Variants in HMBOX1 observed in about 807,000 individuals in gnomAD.
HMBOX1 encodes homeobox-containing protein 1.
HMBOX1 carries 14 observed loss-of-function variants against 54.5 expected under a neutral mutation model. The ratio of observed to expected loss-of-function variants is 0.26; its 90% confidence interval spans 0.17 to 0.40. HMBOX1 has a LOEUF of 0.40. Ranked by LOEUF, HMBOX1 falls within the 10% of genes least tolerant of loss-of-function variation. The pLI is 1.00. For missense variants in HMBOX1, 332 were observed against 514.4 expected (o/e 0.65, Z 3.43); for synonymous variants, 160 against 181.0 (o/e 0.88, Z 0.93).
At chr8:28,898,237 T>C (rs5009786) in intron 1 of HMBOX1, among the ~76,000 whole-genome samples, 138,725 of 151,996 alleles carry the variant, frequency 0.91, 63,491 homozygotes, top group African/African-American at 0.98. Flanking sequence ...TGATAATTTC[T>C]ATTAAAAAAA....
chr8:28,938,371 T>G (rs1820749708), intron 1 of HMBOX1, among the ~76,000 whole-genome samples: 1 of 152,198 alleles, frequency 6.6e-6, no homozygotes, highest in African/African-American at 2.4e-5. Context: ...TAAGTGCCAC[T>G]TAGGAAGGGC....
At chr8:28,964,462 A>AT (rs1826113855) in intron 2 of HMBOX1, among the ~76,000 whole-genome samples, 1 of 152,230 alleles carries the variant, frequency 6.6e-6, no homozygotes, top group Non-Finnish European at 1.5e-5. Flanking sequence ...TATGAACTAT[A>AT]ACCACCAGTT....
chr8:28,913,730 G>T (rs909456995), intron 1 of HMBOX1, among the ~76,000 whole-genome samples: 19 of 152,076 alleles, frequency 1.2e-4, no homozygotes, highest in African/African-American at 4.3e-4. Context: ...AGTGAATAGA[G>T]ATCCTTTGAT....
chr8:28,951,959 A>C (rs773715466), intron 1 of HMBOX1, among the ~76,000 whole-genome samples: 6 of 152,046 alleles, frequency 3.9e-5, no homozygotes, highest in Non-Finnish European at 8.8e-5. Flanking sequence ...CTTAAGCCCG[A>C]TCAGGAGTTT....
intron 1 of HMBOX1, among the ~76,000 whole-genome samples, chr8:28,892,136 A>G (rs1463158904): frequency 6.6e-6 from 1 of 152,216 alleles, no homozygotes; most frequent in Non-Finnish European, 1.5e-5. Flanking sequence ...GTTTTACCAT[A>G]AAATGCATCG....
chr8:28,963,931 T>C, intron 2 of HMBOX1, 41 bp downstream of exon 2: 1 of 1,494,352 alleles, frequency 6.7e-7, no homozygotes, highest in South Asian at 1.2e-5. Context: ...TTCACAATCA[T>C]TTTAGTAAAG....
chr8:28,979,434 A>G (rs1828986847), intron 3 of HMBOX1, among the ~76,000 whole-genome samples: 1 of 152,356 alleles, frequency 6.6e-6, no homozygotes, highest in South Asian at 2.1e-4. Flanking sequence ...GTATTCTTAT[A>G]TATAATACAA....
intron 1 of HMBOX1, among the ~76,000 whole-genome samples, chr8:28,950,396 G>T (rs1376483828): frequency 6.6e-6 from 1 of 152,186 alleles, no homozygotes; most frequent in Non-Finnish European, 1.5e-5. Context: ...TCTACCTGCT[G>T]TAATACATTT....
chr8:28,980,180 T>G, intron 4 of HMBOX1, 24 bp downstream of exon 4: 1 of 1,535,948 alleles, frequency 6.5e-7, no homozygotes, highest in Non-Finnish European at 9.0e-7. Context: ...AGCCCTTTAT[T>G]CTGGAATCAT....
chr8:29,037,777 G>C (rs990460465), intron 6 of HMBOX1, among the ~76,000 whole-genome samples: 1 of 152,086 alleles, frequency 6.6e-6, no homozygotes, highest in Non-Finnish European at 1.5e-5. Flanking sequence ...TTACCACATA[G>C]ATACTCTCAA....
In HMBOX1 at chr8:29,036,156, G is replaced by T. The variant is rs146206008; in HGVS notation, c.852-9205G>T. On this transcript the variant is annotated intron_variant, in intron 6 of 9. Transcript: ENST00000287701. ...ATCAATTGGCAAGTGGGGTCTAGTG[G>T]CAATTAGCATGCTGCAAGTAAATGA... 3.2e-3 allele frequency among the ~76,000 whole-genome samples: 492 copies of T among 152,282 alleles called. 7 individuals are homozygous for T. The highest frequency in any genetic ancestry group is 0.011 in the African/African-American group (459 of 41,566).
At chr8:28,941,865 T>C (rs1336976481) in intron 1 of HMBOX1, among the ~76,000 whole-genome samples, 7 of 152,214 alleles carry the variant, frequency 4.6e-5, no homozygotes, top group Non-Finnish European at 1.5e-5. Flanking sequence ...GAGAATAACT[T>C]TTAGTTTCCT....
At chr8:28,909,333 A>G (rs1215927023) in intron 1 of HMBOX1, among the ~76,000 whole-genome samples, 4 of 152,210 alleles carry the variant, frequency 2.6e-5, no homozygotes, top group East Asian at 1.9e-4. Flanking sequence ...AAAATACAAT[A>G]AAAATGGGTA....
intron 6 of HMBOX1, among the ~76,000 whole-genome samples, chr8:29,030,985 G>A (rs1427637277): frequency 6.6e-6 from 1 of 152,206 alleles, no homozygotes; most frequent in African/African-American, 2.4e-5. Flanking sequence ...AGTCTAGGTA[G>A]TTAGAATTGC....
At chr8:28,972,281 C>T (rs949616666) in intron 3 of HMBOX1, among the ~76,000 whole-genome samples, 31 of 152,090 alleles carry the variant, frequency 2.0e-4, no homozygotes, top group African/African-American at 5.6e-4. Flanking sequence ...GGTGCGATCT[C>T]GGCTCACTGC....
At chr8:28,926,963 G>C (rs1818626945) in intron 1 of HMBOX1, among the ~76,000 whole-genome samples, 1 of 152,082 alleles carries the variant, frequency 6.6e-6, no homozygotes, top group African/African-American at 2.4e-5. Context: ...TAAAATTGTT[G>C]GATGATTACC....
intron 1 of HMBOX1, among the ~76,000 whole-genome samples, chr8:28,908,204 T>C (rs1213190570): frequency 6.6e-6 from 1 of 152,200 alleles, no homozygotes; most frequent in Non-Finnish European, 1.5e-5. Flanking sequence ...CAAATGGACA[T>C]AGGAACATAT....
intron 1 of HMBOX1, among the ~76,000 whole-genome samples, chr8:28,897,128 G>A (rs966964353): frequency 2.0e-5 from 3 of 151,878 alleles, no homozygotes; most frequent in Non-Finnish European, 4.4e-5. Context: ...TGGGATTATG[G>A]GCATGCGCCA....
intron 1 of HMBOX1, among the ~76,000 whole-genome samples, chr8:28,932,441 T>C (rs913929060): frequency 6.6e-6 from 1 of 152,226 alleles, no homozygotes; most frequent in African/African-American, 2.4e-5. Context: ...ATAGACAGTG[T>C]AAAGCTAGTG....
Sources: gnomAD v4.1 joint callset for allele counts (sites outside exome capture counted in the v4.1 genomes callset) on GRCh38, gnomAD v4.1.1 for gene constraint, MANE v1.5 for transcripts, NCBI Gene and HGNC (gene_info 2026-07-23, HGNC 2026-07-21) for gene names.